The following IGFL2 variants were observed in gnomAD, a reference collection of about 807,000 sequenced individuals.
IGFL2 encodes insulin growth factor-like family member 2.
A neutral mutation model predicts 13.9 loss-of-function variants in IGFL2; 7 were observed. The observed-to-expected ratio is 0.51, with a 90% CI of 0.29 to 0.95. The LOEUF is 0.95. Ranked by LOEUF, IGFL2 falls within the 40% of genes least tolerant of loss-of-function variation. The pLI is 0.08. For synonymous variants in IGFL2, 55 were observed against 55.8 expected, an observed-to-expected ratio of 0.99 and a Z score of 0.07; for missense variants, 138 against 147.8, an observed-to-expected ratio of 0.93 and a Z score of 0.34.
chr19:46,100,903 G>A, the IGFL2 span, among the ~76,000 whole-genome samples: 2 of 152,040 alleles, frequency 1.3e-5, no homozygotes, highest in African/African-American at 4.8e-5. Flanking sequence ...TGAAGTTTTT[G>A]TGGTGACTTC....
chr19:46,101,800 A>G, the IGFL2 span, among the ~76,000 whole-genome samples: 4 of 152,258 alleles, frequency 2.6e-5, no homozygotes, highest in African/African-American at 9.6e-5. Flanking sequence ...TTGGGACCTA[A>G]GGCCCTGGTG....
At chr19:46,080,840 C>T in the IGFL2 span, among the ~76,000 whole-genome samples, 1 of 152,244 alleles carries the variant, frequency 6.6e-6, no homozygotes, top group Non-Finnish European at 1.5e-5. Flanking sequence ...GGCTGACTCT[C>T]CGGGCAGGCT....
At chr19:46,210,988 T>G in the IGFL2 span, among the ~76,000 whole-genome samples, 1 of 152,224 alleles carries the variant, frequency 6.6e-6, no homozygotes, top group African/African-American at 2.4e-5. Context: ...CTGGATACAT[T>G]TGAATCTCTG....
upstream of IGFL2, among the ~76,000 whole-genome samples, chr19:46,138,505 T>G (rs1333182368): frequency 6.6e-6 from 1 of 152,172 alleles, no homozygotes; most frequent in Non-Finnish European, 1.5e-5. Flanking sequence ...ACACATGTGC[T>G]GGTGGTGGGG....
chr19:46,148,241 TTGCAC>T lies in IGFL2; in HGVS notation c.-34_-30del. 1.3e-6 allele frequency: 2 copies of T among 1,548,636 alleles called. No homozygotes were observed. Among genetic ancestry groups the T allele is most frequent in the Non-Finnish European group, 1.7e-6 (2 of 1,144,214 alleles). On this transcript the variant is annotated 5_prime_UTR_variant, in exon 1 of 4. Transcript: ENST00000377693. ...TCCCTGTATAAAGTCACTGACCCAT[TTGCAC>T]TGCTGCTGTCCCATCAGCTGCTCTG...
At chr19:46,200,498 T>TCTTTTCTTTTCTTTTCTTTC in the IGFL2 span, among the ~76,000 whole-genome samples, 1 of 148,990 alleles carries the variant, frequency 6.7e-6, no homozygotes, top group Admixed American at 6.8e-5. Flanking sequence ...TCTTTTCTTT[T>TCTTTTCTTTTCTTTTCTTTC]CTTTTCTTTT....
At chr19:46,186,477 A>G in the IGFL2 span, among the ~76,000 whole-genome samples, 1 of 152,158 alleles carries the variant, frequency 6.6e-6, no homozygotes, top group Non-Finnish European at 1.5e-5. Context: ...AAATTCCTTG[A>G]CCTTGTTCCT....
the IGFL2 span, chr19:46,113,777 T>G: frequency 6.3e-6 from 1 of 158,738 alleles, no homozygotes; most frequent in East Asian, 1.9e-4. Context: ...AATGGGGTGT[T>G]CAGCCGTTTT....
the IGFL2 span, among the ~76,000 whole-genome samples, chr19:46,131,823 C>T: frequency 2.0e-5 from 3 of 152,128 alleles, no homozygotes; most frequent in Non-Finnish European, 4.4e-5. Context: ...CTTGTAGTCT[C>T]AGCTACTCGG....
At chr19:46,100,373 A>G in the IGFL2 span, among the ~76,000 whole-genome samples, 25 of 152,312 alleles carry the variant, frequency 1.6e-4, no homozygotes, top group South Asian at 3.9e-3. Context: ...AAACAGGTCT[A>G]TGCCTTTCTC....
In IGFL2 at chr19:46,160,639, G is replaced by A; in HGVS notation, c.99G>A (p.Leu33=). 1.9e-6 allele frequency: 3 copies of A among 1,614,184 alleles called. No individual in the cohort carries two copies. The highest frequency in any genetic ancestry group is 2.5e-6 in the Non-Finnish European group (3 of 1,180,004). Residue 33 remains leucine, a synonymous_variant, in exon 3 of 4, where the codon CTG becomes CTA. Coordinates refer to ENST00000377693, the MANE Select transcript of IGFL2 (RefSeq NM_001135113.2). ...VIAPAGSEPW[L]CQPAPRCGDK... ...CTCCCGCTGGCTCAGAACCATGGCT[G>A]TGCCAGCCGGCACCCAGGTGTGGAG...
the IGFL2 span, among the ~76,000 whole-genome samples, chr19:46,083,153 C>G: frequency 6.6e-6 from 1 of 152,152 alleles, no homozygotes; most frequent in Middle Eastern, 3.2e-3. Context: ...CTGAGTGCAT[C>G]ATAAACAATT....
the IGFL2 span, chr19:46,174,000 T>A: frequency 6.6e-6 from 1 of 152,196 alleles, no homozygotes; most frequent in Non-Finnish European, 1.5e-5. Context: ...TTGGACTGGG[T>A]ATGAGCCCAT....
At chr19:46,109,195 G>T in the IGFL2 span, among the ~76,000 whole-genome samples, 7 of 152,232 alleles carry the variant, frequency 4.6e-5, no homozygotes, top group African/African-American at 1.7e-4. Context: ...TCAGCAAAGG[G>T]TGGTGGGATT....
At chr19:46,108,799 G>A in the IGFL2 span, among the ~76,000 whole-genome samples, 4 of 152,194 alleles carry the variant, frequency 2.6e-5, no homozygotes, top group South Asian at 2.1e-4. Context: ...AGTGACCAGC[G>A]CTGGAGTTTT....
chr19:46,214,550 C>T, the IGFL2 span: 2 of 152,154 alleles, frequency 1.3e-5, no homozygotes, highest in African/African-American at 4.8e-5. Flanking sequence ...CAGGGATCCT[C>T]TCATCCGGTC....
chr19:46,212,713 T>TTCTCTCTCTCTCTCTCTCTCTCTCTCTC, the IGFL2 span: 16 of 148,716 alleles, frequency 1.1e-4, no homozygotes, highest in African/African-American at 3.7e-4. Context: ...TTCTCCTACC[T>TTCTCTCTCTCTCTCTCTCTCTCTCTCTC]TCTCTCTCTC....
chr19:46,152,900 A>G (rs948333052), intron 1 of IGFL2, among the ~76,000 whole-genome samples: 1 of 149,354 alleles, frequency 6.7e-6, no homozygotes, highest in Non-Finnish European at 1.5e-5. Context: ...GATTTTGTCA[A>G]ATGCTCTTTC....
At chr19:46,175,757 T>C in the IGFL2 span, among the ~76,000 whole-genome samples, 5 of 151,200 alleles carry the variant, frequency 3.3e-5, no homozygotes, top group Admixed American at 3.3e-4. Flanking sequence ...GCCAGGCTGG[T>C]CTCGAACTCC....
Sources: allele counts gnomAD v4.1 joint callset (sites outside exome capture counted in the v4.1 genomes callset), GRCh38; gene constraint gnomAD v4.1.1; transcripts MANE v1.5; gene names NCBI Gene and HGNC (gene_info 2026-07-23, HGNC 2026-07-21).